Variants in DNAH2 observed in about 807,000 individuals in gnomAD.
DNAH2 encodes axonemal beta dynein heavy chain 2.
A neutral mutation model predicts 523.5 loss-of-function variants in DNAH2; 323 were observed. The ratio of observed to expected loss-of-function variants is 0.62; its 90% confidence interval spans 0.56 to 0.68. DNAH2 has a LOEUF of 0.68. DNAH2 is among the 30% of genes least tolerant of loss of function. DNAH2 has a pLI of 0.00. For missense variants in DNAH2, 4,907 were observed against 5,701.5 expected (o/e 0.86, Z 4.49); for synonymous variants, 2,093 against 2,177.4 (o/e 0.96, Z 1.08).
In DNAH2 at chr17:7,760,605, T is replaced by C; in HGVS notation, c.2786-135T>C. 1 of 767,624 alleles carries C rather than the reference T, an allele frequency of 1.3e-6. No individual in the cohort carries two copies. Among genetic ancestry groups the C allele is most frequent in the Admixed American group, 2.8e-5 (1 of 35,790 alleles). The allele number at this position is 767,624 out of a possible 1,614,324, so 47.6% of individuals were successfully genotyped here. A position where few individuals can be genotyped will look rare whatever the true frequency, so the allele number is the denominator to read the frequency against. ...ACTTTCTGCCTACTCCTTTACCTTCTAATGTGCATGTTTGAGCTGTATTTC... is the reference window on the plus strand; with the variant it reads ...ACTTTCTGCCTACTCCTTTACCTTCCAATGTGCATGTTTGAGCTGTATTTC... On this transcript the variant is annotated intron_variant, in intron 17 of 85. Coordinates refer to ENST00000572933, the MANE Select transcript of DNAH2 (RefSeq NM_020877.5). The surrounding 1 kb of genome is among the most constrained non-coding windows in gnomAD (Gnocchi z 4.0).
intron 64 of DNAH2, 116 bp from the exon 65 acceptor site, chr17:7,817,174 G>A (rs1466513287): frequency 5.7e-6 from 8 of 1,403,360 alleles, no homozygotes; most frequent in Middle Eastern, 2.6e-4. Flanking sequence ...GTTTAGGGGA[G>A]GGAAAGATCC....
Position 7,823,554 on chromosome 17 carries a change from A to C in DNAH2, c.11255A>C (p.Asn3752Thr). ...DKLTNFHGLM[N>T]SFEQYPRDWH... Reference sequence around the variant, plus strand: ...CTGACCAACTTCCACGGACTCATGAACTCCTTTGAGCAGTACCCTCGTGAC... The same window carrying C: ...CTGACCAACTTCCACGGACTCATGACCTCCTTTGAGCAGTACCCTCGTGAC... Residue 3752 changes from asparagine to threonine, a missense_variant, in exon 74 of 86, where the codon AAC becomes ACC. Asn to Thr is a moderately conservative substitution (Grantham distance 65, BLOSUM62 0). Around this residue, in one of 3 missense-constraint regions of DNAH2, gnomAD observed 1,851 missense variants for 2,139.4 expected, o/e 0.87. Coordinates refer to ENST00000572933, the MANE Select transcript of DNAH2 (RefSeq NM_020877.5). 6.2e-7 allele frequency: 1 copy of C among 1,613,956 alleles called. No individual in the cohort carries two copies. Among genetic ancestry groups the C allele is most frequent in the African/African-American group, 1.3e-5 (1 of 74,962 alleles).
In DNAH2 at chr17:7,740,969, C is replaced by T. The variant is rs767437981; in HGVS notation, c.1666C>T (p.Arg556Cys). The change falls in exon 11 of 86, where the codon CGT (arginine) becomes TGT (cysteine). Residue 556 changes from arginine to cysteine, a missense_variant. Around this residue, in one of 3 missense-constraint regions of DNAH2, gnomAD observed 2,806 missense variants for 3,190.8 expected, o/e 0.88. Transcript: ENST00000572933. Reference sequence around the variant, plus strand: ...GGCGCGCTGGGTGCACATCCTCCGGCGTCGCATCGACAGAGTCATGACCGT... The same window carrying T: ...GGCGCGCTGGGTGCACATCCTCCGGTGTCGCATCGACAGAGTCATGACCGT... The part of the protein sequence containing the change: ...GKARWVHILR[R>C]RIDRVMTCLA... 2.5e-6 allele frequency: 4 copies of T among 1,605,568 alleles called. No homozygotes were observed. Among genetic ancestry groups the T allele is most frequent in the South Asian group, 2.2e-5 (2 of 90,838 alleles).
At chr17:7,751,920 G>GGAGTGT (rs111751776) in intron 12 of DNAH2, among the ~76,000 whole-genome samples, 1 of 145,876 alleles carries the variant, frequency 6.9e-6, no homozygotes, top group African/African-American at 2.5e-5. Flanking sequence ...ATAGTTGTGG[G>GGAGTGT]GTGTGTGTGT....
At chr17:7,757,061 C>G in intron 12 of DNAH2, 30 bp from the exon 13 acceptor site, 2 of 1,613,164 alleles carry the variant, frequency 1.2e-6, no homozygotes, top group Non-Finnish European at 1.7e-6. Flanking sequence ...TCGTGCGGTC[C>G]CCTCACTGCC....
chr17:7,758,386 A>T (rs546952945), intron 13 of DNAH2, 109 bp from the exon 14 acceptor site: 2 of 1,320,042 alleles, frequency 1.5e-6, no homozygotes, highest in African/African-American at 1.5e-5. Context: ...CTAGTCTAGA[A>T]TCTAGACTAG....
At chr17:7,732,623 A>ACAT (rs1292537938) in intron 4 of DNAH2, among the ~76,000 whole-genome samples, 1 of 152,190 alleles carries the variant, frequency 6.6e-6, no homozygotes, top group Admixed American at 6.5e-5. Flanking sequence ...CACAAAAGCC[A>ACAT]TAAGCAAAAT....
chr17:7,790,009 T>A (rs1001581873), intron 44 of DNAH2, among the ~76,000 whole-genome samples: 3 of 152,204 alleles, frequency 2.0e-5, no homozygotes, highest in Non-Finnish European at 2.9e-5. Context: ...CACGGGCCTG[T>A]GTCTGCTTTG....
chr17:7,766,787 A>G (rs192359295), intron 22 of DNAH2, among the ~76,000 whole-genome samples: 2 of 151,256 alleles, frequency 1.3e-5, no homozygotes, highest in African/African-American at 4.9e-5. Context: ...AGCTGGGATT[A>G]CAAGCATCCA....
chr17:7,768,611 A>G (rs939833899), intron 24 of DNAH2, among the ~76,000 whole-genome samples: 5 of 152,156 alleles, frequency 3.3e-5, no homozygotes, highest in African/African-American at 9.7e-5. Flanking sequence ...GATTGTTATT[A>G]ACCATTGTTG....
chr17:7,743,584 T>A, intron 12 of DNAH2: 1 of 551,330 alleles, frequency 1.8e-6, no homozygotes, highest in Non-Finnish European at 3.2e-6. Context: ...GAGGATCGCC[T>A]GAGCCCGGGA....
chr17:7,817,372 C>T lies in DNAH2; in HGVS notation c.9977C>T (p.Thr3326Ile), dbSNP rs745697797. The T allele has an allele frequency of 3.1e-6, 5 of 1,613,744 alleles. No individual in the cohort carries two copies. The highest frequency in any genetic ancestry group is 4.2e-6 in the Non-Finnish European group (5 of 1,179,936). ...AFLSYMGPFLTNYRDEIVNQI... is the reference protein window; with the variant it reads ...AFLSYMGPFLINYRDEIVNQI... ...CTGTCCTACATGGGACCCTTCCTGA[C>T]CAACTACCGGGATGAGATTGTCAAC... The change falls in exon 65 of 86, where the codon ACC becomes ATC. Residue 3326 changes from threonine to isoleucine, a missense_variant. By Grantham distance (89) the Thr-to-Ile change is moderately conservative. Transcript: ENST00000572933.
chr17:7,807,375 G>A lies in DNAH2; in HGVS notation c.9612+56G>A, dbSNP rs559231395. 1.4e-5 allele frequency: 22 copies of A among 1,603,840 alleles called. No individual in the cohort carries two copies. The highest frequency in any genetic ancestry group is 9.9e-5 in the South Asian group (9 of 90,554). The stretch of plus-strand genomic sequence containing the variant: ...AGGGAGGGCAGGCCTGGGGGAGTGC[G>A]GATGCACAGACCCAGGTGGAAGGAG... On this transcript the variant is annotated intron_variant, in intron 62 of 85. Coordinates refer to ENST00000572933, the MANE Select transcript of DNAH2 (RefSeq NM_020877.5). This position sits in a 1 kb window ranked among gnomAD's most constrained non-coding sequence, Gnocchi z 5.6.
chr17:7,810,916 C>T (rs987857170), intron 63 of DNAH2, among the ~76,000 whole-genome samples: 11 of 152,192 alleles, frequency 7.2e-5, no homozygotes, highest in African/African-American at 2.7e-4. Flanking sequence ...GAGTAAATAG[C>T]TTTAGCCATT....
chr17:7,775,922 G>A (rs1292790352), intron 30 of DNAH2, 102 bp from the exon 31 acceptor site: 3 of 1,469,162 alleles, frequency 2.0e-6, no homozygotes, highest in Non-Finnish European at 1.8e-6. Flanking sequence ...CTTTTCTCTG[G>A]GTACAAAGCC....
At chr17:7,751,116 GTTATTTATTTATTTAT>G (rs141014293) in intron 12 of DNAH2, among the ~76,000 whole-genome samples, 9 of 150,342 alleles carry the variant, frequency 6.0e-5, no homozygotes, top group South Asian at 2.1e-4. Flanking sequence ...AAAAAATCAA[GTTATTTATTTATTTAT>G]TTATTTATTT....
intron 63 of DNAH2, among the ~76,000 whole-genome samples, chr17:7,816,346 G>A (rs546871555): frequency 6.6e-5 from 10 of 152,288 alleles, no homozygotes; most frequent in African/African-American, 2.2e-4. Context: ...GTGGTGGAAG[G>A]AAGGGGAAGA....
chr17:7,734,778 A>G, intron 7 of DNAH2, 70 bp downstream of exon 7: 1 of 1,519,542 alleles, frequency 6.6e-7, no homozygotes, highest in Non-Finnish European at 9.1e-7. Flanking sequence ...ACAGGGAGCT[A>G]AGTAAGGAGA....
In DNAH2 at chr17:7,819,369, T is replaced by C. The variant is rs1192288851; in HGVS notation, c.10976T>C (p.Ile3659Thr). ...CGCAGCAATAAGCTGGAGGACCGCA[T>C]TGACTACCTGAATGACTACCACACC... is the stretch of plus-strand genomic sequence containing the variant. The part of the protein sequence containing the change: ...SHRSNKLEDR[I>T]DYLNDYHTYA... The change falls in exon 72 of 86, where the codon ATT becomes ACT. Residue 3659 changes from isoleucine to threonine, a missense_variant. Around this residue, in one of 3 missense-constraint regions of DNAH2, gnomAD observed 1,851 missense variants for 2,139.4 expected, o/e 0.87. Transcript: ENST00000572933. 5.0e-6 allele frequency: 8 copies of C among 1,614,122 alleles called. No homozygotes were observed. In the Admixed American group the frequency reaches 1.0e-4, roughly 20 times the overall value.
Sources: allele counts gnomAD v4.1 joint callset (sites outside exome capture counted in the v4.1 genomes callset), GRCh38; gene constraint gnomAD v4.1.1; regional missense constraint gnomAD v4.1.1; non-coding constraint Gnocchi (gnomAD v3.1); transcripts MANE v1.5; gene names NCBI Gene and HGNC (gene_info 2026-07-23, HGNC 2026-07-21).